The following GDA variants were observed in gnomAD, a reference collection of about 807,000 sequenced individuals.
GDA encodes guanine deaminase, also known as cytoplasmic PSD-95 interactor.
A neutral mutation model predicts 59.6 loss-of-function variants in GDA; 18 were observed. That is an observed-to-expected ratio of 0.30 (90% confidence interval 0.21 to 0.45). GDA has a LOEUF of 0.45. Among genes scored for constraint, GDA ranks in the 20% least tolerant of loss-of-function variants. The pLI, the probability that GDA is intolerant of heterozygous loss-of-function variation, is 1.00. For missense variants in GDA, 427 were observed against 552.3 expected, an observed-to-expected ratio of 0.77 and a Z score of 2.27; for synonymous variants, 201 against 201.1, an observed-to-expected ratio of 1.00 and a Z score of 0.00.
intron 1 of GDA, among the ~76,000 whole-genome samples, chr9:72,115,647 T>G: frequency 6.6e-6 from 1 of 152,248 alleles, no homozygotes; most frequent in East Asian, 1.9e-4. Flanking sequence ...TAAGTCTGCT[T>G]TATTTGTAGA....
chr9:72,213,096 T>G (rs1358149805), intron 4 of GDA, among the ~76,000 whole-genome samples: 1 of 151,550 alleles, frequency 6.6e-6, no homozygotes, highest in East Asian at 2.0e-4. Context: ...GGTGAAACAC[T>G]GTCTCTACTA....
At chr9:72,225,886 C>T (rs1837493677) in intron 8 of GDA, 102 bp downstream of exon 8, 1 of 580,354 alleles carries the variant, frequency 1.7e-6, no homozygotes, top group Non-Finnish European at 3.0e-6. Context: ...GAATACATTT[C>T]TTTAAAAATT....
chr9:72,128,791 A>G (rs1825933031), intron 1 of GDA, among the ~76,000 whole-genome samples: 2 of 152,304 alleles, frequency 1.3e-5, no homozygotes, highest in East Asian at 3.9e-4. Flanking sequence ...GCTTATTTTT[A>G]GAATGCAATA....
chr9:72,152,110 C>T (rs1323649322), intron 1 of GDA, among the ~76,000 whole-genome samples: 1 of 152,094 alleles, frequency 6.6e-6, no homozygotes, highest in Non-Finnish European at 1.5e-5. Flanking sequence ...ATTATAGCAG[C>T]GGGTGGATTA....
At chr9:72,167,634 C>A (rs950364006) in intron 1 of GDA, among the ~76,000 whole-genome samples, 1 of 152,210 alleles carries the variant, frequency 6.6e-6, no homozygotes, top group Non-Finnish European at 1.5e-5. Context: ...CAGCCTCTCA[C>A]AGGCCCTCAG....
intron 1 of GDA, among the ~76,000 whole-genome samples, chr9:72,175,771 T>C (rs1830476109): frequency 1.3e-5 from 2 of 152,208 alleles, no homozygotes; most frequent in Admixed American, 6.5e-5. Context: ...TACAACAGAA[T>C]ACCTTTGGAT....
chr9:72,179,366 T>G (rs1362616636), intron 1 of GDA, among the ~76,000 whole-genome samples: 2 of 152,204 alleles, frequency 1.3e-5, no homozygotes, highest in Non-Finnish European at 2.9e-5. Flanking sequence ...TTTTAAAATA[T>G]TTTGTCTATA....
intron 1 of GDA, among the ~76,000 whole-genome samples, chr9:72,167,763 C>A (rs938309767): frequency 6.6e-6 from 1 of 152,328 alleles, no homozygotes; most frequent in African/African-American, 2.4e-5. Flanking sequence ...AGCCAGTGAG[C>A]CTTGCTGCTC....
intron 2 of GDA, 37 bp downstream of exon 2, chr9:72,195,625 T>C: frequency 1.2e-6 from 1 of 855,492 alleles, no homozygotes; most frequent in South Asian, 1.8e-5. Flanking sequence ...TGGGTGCCAC[T>C]AATAAGCTTA....
intron 1 of GDA, among the ~76,000 whole-genome samples, chr9:72,184,896 G>A (rs1271155276): frequency 6.6e-6 from 1 of 152,160 alleles, no homozygotes; most frequent in East Asian, 1.9e-4. Flanking sequence ...TCATATCAGA[G>A]CTTGGCAACT....
chr9:72,240,995 TA>T lies in GDA; in HGVS notation c.989-154del, dbSNP rs1217688312. On this transcript the variant is annotated intron_variant, in intron 10 of 13. Transcript: ENST00000358399. Reference sequence around the variant, plus strand: ...ACTAATTACAGATTTTGAATTGCTTTAAATCTTAGTCTACGACTATCTTGTG... The same window carrying T: ...ACTAATTACAGATTTTGAATTGCTTTAATCTTAGTCTACGACTATCTTGTG... Among the ~76,000 whole-genome samples, 5 of 152,346 alleles carry T rather than the reference TA, an allele frequency of 3.3e-5. No homozygotes were observed. In the East Asian group the frequency reaches 9.6e-4, roughly 29 times the overall value.
At chr9:72,213,552 C>T (rs1237839360) in intron 4 of GDA, among the ~76,000 whole-genome samples, 2 of 151,860 alleles carry the variant, frequency 1.3e-5, no homozygotes, top group East Asian at 3.9e-4. Flanking sequence ...GCCTGTAATC[C>T]CAGCACTTTG....
chr9:72,220,124 C>A (rs890256213), intron 6 of GDA, among the ~76,000 whole-genome samples: 6 of 152,096 alleles, frequency 3.9e-5, no homozygotes, highest in Admixed American at 6.5e-5. Flanking sequence ...GAAATCATGC[C>A]ATTTGTGACA....
At chr9:72,161,872 A>G (rs1011423818) in intron 1 of GDA, among the ~76,000 whole-genome samples, 1 of 152,220 alleles carries the variant, frequency 6.6e-6, no homozygotes, top group African/African-American at 2.4e-5. Context: ...GAATGGGTAT[A>G]TGCTCTTCAC....
intron 1 of GDA, among the ~76,000 whole-genome samples, chr9:72,144,079 G>A (rs866785859): frequency 1.3e-5 from 2 of 152,214 alleles, no homozygotes; most frequent in East Asian, 1.9e-4. Context: ...AACATTACCC[G>A]GGTATGGTAG....
chr9:72,152,950 C>T lies in GDA; in HGVS notation c.123+3268C>T, dbSNP rs566633326. Among the ~76,000 whole-genome samples the T allele has an allele frequency of 3.9e-5, 6 of 152,252 alleles. No individual in the cohort carries two copies. In the East Asian group the frequency reaches 1.2e-3, roughly 29 times the overall value. The stretch of plus-strand genomic sequence containing the variant: ...TCTAACGTTTAAGTCTTTAATCCAT[C>T]TTGAATTAATTTTTGCATAAGGTGT... On this transcript the variant is annotated intron_variant, in intron 1 of 13. Coordinates refer to ENST00000358399, the MANE Select transcript of GDA (RefSeq NM_004293.5).
intron 1 of GDA, among the ~76,000 whole-genome samples, chr9:72,157,205 A>G (rs1828015206): frequency 6.6e-6 from 1 of 151,706 alleles, no homozygotes; most frequent in South Asian, 2.1e-4. Context: ...ATGGCCAGCT[A>G]ATTTTTTGTA....
intron 1 of GDA, among the ~76,000 whole-genome samples, chr9:72,169,152 A>G (rs1829666119): frequency 3.9e-5 from 6 of 152,170 alleles, no homozygotes; most frequent in Admixed American, 3.3e-4. Flanking sequence ...ACACTATTAC[A>G]TTGTTTCATG....
Position 72,198,846 on chromosome 9 carries a change from G to GATATATATATATATATATATATATATAT in GDA, c.212+3273_212+3274insTATATATATATATATATATATATATATA, listed in dbSNP as rs141544036. On this transcript the variant is annotated intron_variant, in intron 2 of 13. Transcript: ENST00000358399. Reference sequence around the variant, plus strand: ...ATGTTCTGATAAGCATATATAGGGGGATATATATATATATAAAATTTTTTT... The same window carrying GATATATATATATATATATATATATATAT: ...ATGTTCTGATAAGCATATATAGGGGGATATATATATATATATATATATATATATATATATATATATATAAAATTTTTTT... Among the ~76,000 whole-genome samples the GATATATATATATATATATATATATATAT allele has an allele frequency of 6.6e-3, 847 of 128,246 alleles. 10 individuals are homozygous for GATATATATATATATATATATATATATAT. Among genetic ancestry groups the GATATATATATATATATATATATATATAT allele is most frequent in the Non-Finnish European group, 8.9e-3 (574 of 64,638 alleles). 84.1% of individuals were successfully genotyped at this position (128,246 alleles called of 152,430 possible). A position where few individuals can be genotyped will look rare whatever the true frequency, so the allele number is the denominator to read the frequency against.
Sources: allele counts gnomAD v4.1 joint callset (sites outside exome capture counted in the v4.1 genomes callset), GRCh38; gene constraint gnomAD v4.1.1; transcripts MANE v1.5; gene names NCBI Gene and HGNC (gene_info 2026-07-23, HGNC 2026-07-21).